The following OR8H2 variants were observed in gnomAD, a reference collection of about 807,000 sequenced individuals.
OR8H2 encodes olfactory receptor family 8 subfamily H member 2, also known as olfactory receptor 8H2.
For synonymous variants in OR8H2, 157 were observed against 139.2 expected (o/e 1.13, Z -0.90); for missense variants, 374 against 371.1 (o/e 1.01, Z -0.06).
chr11:56,105,591 A>G lies in OR8H2; in HGVS notation c.549A>G (p.Pro183=), dbSNP rs1369080406. 1 of 1,614,144 alleles carries G rather than the reference A, an allele frequency of 6.2e-7. No homozygotes were observed. The highest frequency in any genetic ancestry group is 8.5e-7 in the Non-Finnish European group (1 of 1,180,022). ...ATCACTTTTTCTGTGACACTTCCCC[A>G]ATTTTAGCTCTGTCCTGCACTGATA... ...VIHHFFCDTS[P]ILALSCTDTY... is the part of the protein sequence containing the mutation. Residue 183 remains proline, a synonymous_variant, in exon 2 of 2, where the codon CCA becomes CCG. Coordinates refer to ENST00000313503, the MANE Select transcript of OR8H2 (RefSeq NM_001386064.1).
chr11:56,107,367 G>C lies in OR8H2; in HGVS notation c.*1386G>C, dbSNP rs148488579. ...CCTTGACTTAAATGCTTTATTCATT[G>C]ATTTTAAATTTCTTAATACAGAAAA... On this transcript the variant is annotated 3_prime_UTR_variant, in exon 2 of 2. Coordinates refer to ENST00000313503, the MANE Select transcript of OR8H2 (RefSeq NM_001386064.1). 106 of 152,010 alleles carry C rather than the reference G, an allele frequency of 7.0e-4. No individual in the cohort carries two copies. The highest frequency in any genetic ancestry group is 2.4e-3 in the African/African-American group (100 of 41,548). The allele number at this position is 152,010 out of a possible 1,614,324, so 9.4% of individuals were successfully genotyped here.
chr11:56,105,456 A>G lies in OR8H2; in HGVS notation c.414A>G (p.Lys138=). The change falls in exon 2 of 2, where the codon AAA becomes AAG. Residue 138 remains lysine, a synonymous_variant. Transcript: ENST00000313503. The stretch of plus-strand genomic sequence containing the variant: ...TACACTACACAGTTATTATGTCCAA[A>G]AGGCTCTGCCTCGCTCTCATCACTG... ...SPLHYTVIMS[K]RLCLALITGP... is the part of the protein sequence containing the mutation. 2 of 1,614,098 alleles carry G rather than the reference A, an allele frequency of 1.2e-6. No individual in the cohort carries two copies. The highest frequency in any genetic ancestry group is 1.7e-6 in the Non-Finnish European group (2 of 1,180,010).
intron 1 of OR8H2, among the ~76,000 whole-genome samples, chr11:56,104,259 T>G (rs1332594322): frequency 6.6e-6 from 1 of 152,088 alleles, no homozygotes; most frequent in Non-Finnish European, 1.5e-5. Context: ...TTAATGCTTA[T>G]ATATTGTCTA....
chr11:56,104,691 T>C (rs1207491495), intron 1 of OR8H2, among the ~76,000 whole-genome samples, 181 bp from the exon 2 acceptor site: 3 of 152,344 alleles, frequency 2.0e-5, no homozygotes, highest in East Asian at 3.9e-4. Context: ...TGCTACACTT[T>C]ATTGTAACAT....
Position 56,105,853 on chromosome 11 carries a change from G to C in OR8H2, c.811G>C (p.Asp271His). The C allele has an allele frequency of 4.3e-6, 7 of 1,612,516 alleles. No individual in the cohort carries two copies. The highest frequency in any genetic ancestry group is 5.9e-6 in the Non-Finnish European group (7 of 1,178,638). ...AAGAAAGTCTTATTCCTTGGGAAGA[G>C]ATCAAGTGGCTTCTGTTTTTTATAC... ...KPRKSYSLGR[D>H]QVASVFYTIV... Residue 271 changes from aspartate (D) to histidine (H), a missense_variant, in exon 2 of 2, where the codon GAT (aspartate) becomes CAT (histidine). Coordinates refer to ENST00000313503, the MANE Select transcript of OR8H2 (RefSeq NM_001386064.1).
In OR8H2 at chr11:56,105,870, T is replaced by G. The variant is rs201327849; in HGVS notation, c.828T>G (p.Val276=). Residue 276 remains valine (V), a synonymous_variant, in exon 2 of 2, where the codon GTT becomes GTG. Transcript: ENST00000313503. ...YSLGRDQVAS[V]FYTIVIPVLN... is the part of the protein sequence containing the mutation. ...TGGGAAGAGATCAAGTGGCTTCTGT[T>G]TTTTATACTATTGTGATTCCCGTGC... The G allele has an allele frequency of 2.7e-4, 434 of 1,611,910 alleles. 6 individuals are homozygous for G. In the South Asian group the frequency reaches 4.5e-3, roughly 17 times the overall value.
At position 56,105,100 on chromosome 11, in the gene OR8H2, C is replaced by T. The variant is rs151050264; in HGVS notation, c.58C>T (p.Leu20Phe). 6 of 1,614,036 alleles carry T rather than the reference C, an allele frequency of 3.7e-6. No individual in the cohort carries two copies. The highest frequency in any genetic ancestry group is 5.1e-6 in the Non-Finnish European group (6 of 1,180,014). The change falls in exon 2 of 2, where the codon CTT (leucine) becomes TTT (phenylalanine). Residue 20 changes from leucine to phenylalanine, a missense_variant. Leu to Phe is a conservative substitution (Grantham distance 22). Coordinates refer to ENST00000313503, the MANE Select transcript of OR8H2 (RefSeq NM_001386064.1). ...VADFILMGLT[L>F]SEEIQMALFM... ...TGACTTCATCCTTATGGGACTGACA[C>T]TTTCTGAAGAGATCCAGATGGCTCT...
rs1290867905 is a variant in OR8H2, at chr11:56,107,386, C to T, written c.*1405C>T. 6.6e-6 allele frequency: 1 copy of T among 151,812 alleles called. No homozygotes were observed. The highest frequency in any genetic ancestry group is 1.5e-5 in the Non-Finnish European group (1 of 67,794). The allele number at this position is 151,812 out of a possible 1,614,324, so 9.4% of individuals were successfully genotyped here. ...TTCATTGATTTTAAATTTCTTAATACAGAAAAGTTGTAAAGCAAAGAATTG... is the reference window on the plus strand; with the variant it reads ...TTCATTGATTTTAAATTTCTTAATATAGAAAAGTTGTAAAGCAAAGAATTG... On this transcript the variant is annotated 3_prime_UTR_variant, in exon 2 of 2. Coordinates refer to ENST00000313503, the MANE Select transcript of OR8H2 (RefSeq NM_001386064.1).
intron 1 of OR8H2, 60 bp from the exon 2 acceptor site, chr11:56,104,812 G>A (rs1033022314): frequency 4.7e-6 from 2 of 422,746 alleles, no homozygotes; most frequent in Non-Finnish European, 8.3e-6. Flanking sequence ...ATTTTTAAAT[G>A]ATATGCCATT....
chr11:56,106,105 C>G lies in OR8H2; in HGVS notation c.*124C>G. On this transcript the variant is annotated 3_prime_UTR_variant, in exon 2 of 2. Coordinates refer to ENST00000313503, the MANE Select transcript of OR8H2 (RefSeq NM_001386064.1). The stretch of plus-strand genomic sequence containing the variant: ...TTTGTTTGCATTTCTGTTGTGCTAC[C>G]CTTTGCTTCACTAAACATGATTTTA... 1.5e-6 allele frequency: 1 copy of G among 678,116 alleles called. No individual in the cohort carries two copies. Among genetic ancestry groups the G allele is most frequent in the Non-Finnish European group, 2.4e-6 (1 of 409,434 alleles). 42.0% of individuals were successfully genotyped at this position (678,116 alleles called of 1,614,324 possible).
intron 1 of OR8H2, among the ~76,000 whole-genome samples, chr11:56,104,323 T>C (rs1854017884): frequency 6.6e-6 from 1 of 152,140 alleles, no homozygotes; most frequent in Non-Finnish European, 1.5e-5. Flanking sequence ...TTGGAAATTA[T>C]TATTAAATAA....
intron 1 of OR8H2, among the ~76,000 whole-genome samples, chr11:56,104,592 G>T (rs150892775): frequency 4.4e-4 from 67 of 152,120 alleles, no homozygotes; most frequent in African/African-American, 1.1e-3. Context: ...AGTATCTAAG[G>T]TATACTATTT....
Position 56,106,847 on chromosome 11 carries a change from A to C in OR8H2, c.*866A>C, listed in dbSNP as rs914646962. On this transcript the variant is annotated 3_prime_UTR_variant, in exon 2 of 2. Coordinates refer to ENST00000313503, the MANE Select transcript of OR8H2 (RefSeq NM_001386064.1). ...ATTGAAGAAAATAGAAATCCTCTAC[A>C]AATATTGAGTTTTGGCTGCTCTTGA... 2 of 152,042 alleles carry C rather than the reference A, an allele frequency of 1.3e-5. No individual in the cohort carries two copies. The highest frequency in any genetic ancestry group is 4.8e-5 in the African/African-American group (2 of 41,456). 9.4% of individuals were successfully genotyped at this position (152,042 alleles called of 1,614,324 possible).
In OR8H2 at chr11:56,105,992, A is replaced by G. The variant is rs1854051364; in HGVS notation, c.*11A>G. 1.4e-6 allele frequency: 2 copies of G among 1,443,938 alleles called. No homozygotes were observed. The highest frequency in any genetic ancestry group is 1.4e-5 in the African/African-American group (1 of 69,974). The allele number at this position is 1,443,938 out of a possible 1,614,324, so 89.4% of individuals were successfully genotyped here. ...CAGGACTCCAGGTAATTAATATAGC[A>G]GGAATGCTGAACATTTAAACTCATC... On this transcript the variant is annotated 3_prime_UTR_variant, in exon 2 of 2. Transcript: ENST00000313503.
In OR8H2 at chr11:56,105,264, C is replaced by T. The variant is rs377082080; in HGVS notation, c.222C>T (p.Tyr74=). ...LTHLSFIDLS[Y]STVVTPKTLA... ...ACCTGTCATTTATTGACCTCAGTTA[C>T]TCAACTGTCGTCACACCTAAAACCT... Residue 74 remains tyrosine (Y), a synonymous_variant, in exon 2 of 2, where the codon TAC becomes TAT. Transcript: ENST00000313503. The T allele has an allele frequency of 3.0e-5, 48 of 1,614,088 alleles. 1 individual carries two copies. The African/African-American group carries it at 5.6e-4, about 19-fold the overall frequency.
rs140834382 is a variant in OR8H2 at position 56,105,120 on chromosome 11, G to A, written c.78G>A (p.Met26Ile). 6.5e-5 allele frequency: 105 copies of A among 1,614,146 alleles called. No homozygotes were observed. In the African/African-American group the frequency reaches 1.3e-3, roughly 19 times the overall value. The change falls in exon 2 of 2, where the codon ATG (methionine) becomes ATA (isoleucine). Residue 26 changes from methionine to isoleucine, a missense_variant. By Grantham distance (10) the Met-to-Ile change is conservative. Coordinates refer to ENST00000313503, the MANE Select transcript of OR8H2 (RefSeq NM_001386064.1). ...TGACACTTTCTGAAGAGATCCAGAT[G>A]GCTCTGTTTATGCTATTTCTCCTGA... The part of the protein sequence containing the change: ...MGLTLSEEIQ[M>I]ALFMLFLLIY...
chr11:56,107,462 C>T lies in OR8H2; in HGVS notation c.*1481C>T, dbSNP rs528029867. 1.3e-5 allele frequency: 2 copies of T among 152,006 alleles called. No homozygotes were observed. The highest frequency in any genetic ancestry group is 4.1e-4 in the South Asian group (2 of 4,832). The allele number at this position is 152,006 out of a possible 1,614,324, so 9.4% of individuals were successfully genotyped here. On this transcript the variant is annotated 3_prime_UTR_variant, in exon 2 of 2. Coordinates refer to ENST00000313503, the MANE Select transcript of OR8H2 (RefSeq NM_001386064.1). ...CCCACAAATTTAGTCAGGCAGAGTG[C>T]TAAAATGTCTTTTATTTTTAAATTT...
Position 56,105,827 on chromosome 11 carries a change from C to G in OR8H2, c.785C>G (p.Pro262Arg), listed in dbSNP as rs143759988. 6.2e-7 allele frequency: 1 copy of G among 1,613,370 alleles called. No individual in the cohort carries two copies. Among genetic ancestry groups the G allele is most frequent in the Admixed American group, 1.7e-5 (1 of 59,944 alleles). ...ACTCTGATTTTTACTTATTTAAAAC[C>G]AAGAAAGTCTTATTCCTTGGGAAGA... ...YSTLIFTYLKPRKSYSLGRDQ... is the reference protein window; with the variant it reads ...YSTLIFTYLKRRKSYSLGRDQ... Residue 262 changes from proline to arginine, a missense_variant, in exon 2 of 2, where the codon CCA becomes CGA. Transcript: ENST00000313503.
In OR8H2 at chr11:56,106,427, T is replaced by G. The variant is rs1186155074; in HGVS notation, c.*446T>G. On this transcript the variant is annotated 3_prime_UTR_variant, in exon 2 of 2. Coordinates refer to ENST00000313503, the MANE Select transcript of OR8H2 (RefSeq NM_001386064.1). ...AGGAGTACCTATTTTGGAATAAAAC[T>G]TCCCAAGAATTAGATTCTAAATATG... The G allele has an allele frequency of 6.5e-6, 1 of 152,912 alleles. No homozygotes were observed. The highest frequency in any genetic ancestry group is 2.4e-5 in the African/African-American group (1 of 41,454). The allele number at this position is 152,912 out of a possible 1,614,324, so 9.5% of individuals were successfully genotyped here.
Sources: gnomAD v4.1 joint callset for allele counts (sites outside exome capture counted in the v4.1 genomes callset) on GRCh38, gnomAD v4.1.1 for gene constraint, MANE v1.5 for transcripts, NCBI Gene and HGNC (gene_info 2026-07-23, HGNC 2026-07-21) for gene names.